Variants in AFAP1L1 observed in about 807,000 individuals in gnomAD.
The protein encoded by AFAP1L1 is actin filament associated protein 1 like 1, also known as actin filament-associated protein 1-like 1.
In AFAP1L1, 77 loss-of-function variants were observed where a neutral mutation model predicts 99.8. That is an observed-to-expected ratio of 0.77 (90% CI 0.64 to 0.93). The LOEUF (loss-of-function observed/expected upper bound fraction) is 0.93. Ranked by LOEUF, AFAP1L1 falls within the 40% of genes least tolerant of loss-of-function variation. The pLI, the probability that AFAP1L1 is intolerant of heterozygous loss-of-function variation, is 0.00. For missense variants in AFAP1L1, 893 were observed against 996.8 expected (o/e 0.90, Z 1.40); for synonymous variants, 373 against 395.3 (o/e 0.94, Z 0.67).
intron 1 of AFAP1L1, among the ~76,000 whole-genome samples, chr5:149,295,987 A>G (rs1234754033): frequency 3.9e-5 from 6 of 152,216 alleles, no homozygotes; most frequent in Admixed American, 2.0e-4. Flanking sequence ...TGTTAATGCA[A>G]TAAATATTGA....
intron 12 of AFAP1L1, among the ~76,000 whole-genome samples, 168 bp from the exon 13 acceptor site, chr5:149,319,414 G>A (rs745701344): frequency 6.6e-6 from 1 of 152,156 alleles, no homozygotes; most frequent in Non-Finnish European, 1.5e-5. Flanking sequence ...TGGAAGAAGG[G>A]AGCCTCTTGG....
At chr5:149,294,795 A>G (rs1211406442) in intron 1 of AFAP1L1, among the ~76,000 whole-genome samples, 1 of 119,426 alleles carries the variant, frequency 8.4e-6, no homozygotes. Context: ...GAGGAAGCCC[A>G]GTATTCACAT....
Position 149,291,540 on chromosome 5 carries a change from AAAAAAAAAAAG to A in AFAP1L1, c.17-7965_17-7955del, listed in dbSNP as rs1379389217. Among the ~76,000 whole-genome samples, 6 of 143,358 alleles carry A rather than the reference AAAAAAAAAAAG, an allele frequency of 4.2e-5. No homozygotes were observed. The South Asian group carries it at 6.9e-4, about 16-fold the overall frequency. 94.0% of individuals were successfully genotyped at this position (143,358 alleles called of 152,430 possible). The stretch of plus-strand genomic sequence containing the variant: ...ACTCCGTCTCAAAAAAAAAAAAAAA[AAAAAAAAAAAG>A]AAAGAAAGAAGAGAAAAGCCTGCAG... On this transcript the variant is annotated intron_variant, in intron 1 of 18. Transcript: ENST00000296721.
intron 9 of AFAP1L1, among the ~76,000 whole-genome samples, chr5:149,314,349 G>T (rs1045602738): frequency 2.0e-5 from 3 of 152,238 alleles, no homozygotes; most frequent in African/African-American, 7.2e-5. Flanking sequence ...TGTGTAGAGG[G>T]GAAGAAGAAG....
At chr5:149,275,184 T>G (rs1292106673) in intron 1 of AFAP1L1, among the ~76,000 whole-genome samples, 1 of 152,258 alleles carries the variant, frequency 6.6e-6, no homozygotes, top group African/African-American at 2.4e-5. Flanking sequence ...GAGCTGGGAC[T>G]ATCATGAATC....
chr5:149,314,047 G>A lies in AFAP1L1; in HGVS notation c.1021-1774G>A, dbSNP rs1369692555. Among the ~76,000 whole-genome samples, 7 of 152,194 alleles carry A rather than the reference G, an allele frequency of 4.6e-5. No homozygotes were observed. The East Asian group carries it at 1.3e-3, about 29-fold the overall frequency. Reference sequence around the variant, plus strand: ...TGGCTGGAGGGGCAAGAAGGATGAGGGAAGACGGGCACCTATGTTGAGCCT... The same window carrying A: ...TGGCTGGAGGGGCAAGAAGGATGAGAGAAGACGGGCACCTATGTTGAGCCT... On this transcript the variant is annotated intron_variant, in intron 9 of 18. Coordinates refer to ENST00000296721, the MANE Select transcript of AFAP1L1 (RefSeq NM_152406.4).
chr5:149,307,748 G>A, intron 7 of AFAP1L1, 135 bp downstream of exon 7: 1 of 848,276 alleles, frequency 1.2e-6, no homozygotes, highest in Non-Finnish European at 1.8e-6. Context: ...AAGGCCCCAT[G>A]CTCCCAAGAT....
chr5:149,279,484 A>G (rs537885620), intron 1 of AFAP1L1, among the ~76,000 whole-genome samples: 5 of 151,294 alleles, frequency 3.3e-5, no homozygotes, highest in Non-Finnish European at 5.9e-5. Context: ...AACCTAAAGC[A>G]TTCTTTTTTT....
intron 1 of AFAP1L1, among the ~76,000 whole-genome samples, chr5:149,289,793 G>A (rs973903924): frequency 3.3e-5 from 5 of 152,212 alleles, no homozygotes; most frequent in African/African-American, 4.8e-5. Flanking sequence ...TGACCGCTCT[G>A]CGGAGTAAAC....
intron 1 of AFAP1L1, among the ~76,000 whole-genome samples, chr5:149,281,391 C>T (rs10052824): frequency 2.7e-4 from 41 of 152,266 alleles, no homozygotes; most frequent in African/African-American, 9.6e-4. Context: ...TGCAGCTCAG[C>T]GTCATCTCCC....
intron 6 of AFAP1L1, among the ~76,000 whole-genome samples, chr5:149,306,623 T>G (rs1347689685): frequency 6.6e-6 from 1 of 152,252 alleles, no homozygotes; most frequent in Non-Finnish European, 1.5e-5. Flanking sequence ...TTTCCCTGAC[T>G]TTTGATAACT....
chr5:149,331,824 TCA>T (rs1757265739), intron 16 of AFAP1L1, among the ~76,000 whole-genome samples: 1 of 152,082 alleles, frequency 6.6e-6, no homozygotes, highest in South Asian at 2.1e-4. Flanking sequence ...AGCTTATTTC[TCA>T]CACTCATGCT....
At chr5:149,306,836 G>A (rs967525487) in intron 6 of AFAP1L1, among the ~76,000 whole-genome samples, 10 of 151,968 alleles carry the variant, frequency 6.6e-5, no homozygotes, top group African/African-American at 9.7e-5. Flanking sequence ...TCAAATAGCC[G>A]GCTGAAGTGG....
chr5:149,299,438 G>A, intron 1 of AFAP1L1, 71 bp from the exon 2 acceptor site: 2 of 1,584,282 alleles, frequency 1.3e-6, no homozygotes, highest in South Asian at 2.3e-5. Flanking sequence ...CTAGGTGGTG[G>A]GGGGCCGAAC....
At chr5:149,327,732 G>C (rs1463980927) in intron 15 of AFAP1L1, among the ~76,000 whole-genome samples, 1 of 151,936 alleles carries the variant, frequency 6.6e-6, no homozygotes, top group Non-Finnish European at 1.5e-5. Flanking sequence ...TAGAGATTAT[G>C]CAAACCAAGA....
At chr5:149,331,377 T>C (rs1329679220) in intron 16 of AFAP1L1, among the ~76,000 whole-genome samples, 1 of 152,126 alleles carries the variant, frequency 6.6e-6, no homozygotes, top group East Asian at 1.9e-4. Flanking sequence ...TCCCAGCACT[T>C]TGGGAGGCTG....
At chr5:149,313,823 A>C (rs1756713290) in intron 9 of AFAP1L1, among the ~76,000 whole-genome samples, 1 of 152,222 alleles carries the variant, frequency 6.6e-6, no homozygotes, top group Non-Finnish European at 1.5e-5. Flanking sequence ...TCTCTGAGGA[A>C]GTGACATTTC....
chr5:149,332,151 C>A (rs1005664179), intron 16 of AFAP1L1, among the ~76,000 whole-genome samples: 2 of 152,228 alleles, frequency 1.3e-5, no homozygotes, highest in African/African-American at 4.8e-5. Flanking sequence ...AATCCCAGCA[C>A]TTTGGGAGGC....
At chr5:149,311,981 G>A in intron 8 of AFAP1L1, 131 bp from the exon 9 acceptor site, 1 of 762,482 alleles carries the variant, frequency 1.3e-6, no homozygotes, top group Non-Finnish European at 2.2e-6. Context: ...GCAGGTAGCT[G>A]TGTCAGTCCA....
Sources: allele counts gnomAD v4.1 joint callset (sites outside exome capture counted in the v4.1 genomes callset), GRCh38; gene constraint gnomAD v4.1.1; transcripts MANE v1.5; gene names NCBI Gene and HGNC (gene_info 2026-07-23, HGNC 2026-07-21).